Variants in CYP2C19 observed in about 807,000 individuals in gnomAD.
CYP2C19 encodes cytochrome P450 2C19.
CYP2C19 carries 59 observed loss-of-function variants against 40.9 expected under a neutral mutation model. The ratio of observed to expected loss-of-function variants is 1.44; its 90% CI spans 1.17 to 1.79. The LOEUF (loss-of-function observed/expected upper bound fraction) is 1.79. CYP2C19 is among the 40% of genes most tolerant of loss of function. The probability of loss-of-function intolerance (pLI) is 0.00; values close to 1 mark genes in which losing one functional copy is unlikely to be tolerated. For missense variants in CYP2C19, 754 were observed against 596.9 expected (o/e 1.26, Z -2.74); for synonymous variants, 253 against 208.7 (o/e 1.21, Z -1.83).
In CYP2C19 at chr10:94,842,924, C is replaced by G. The variant is rs1280222346; in HGVS notation, c.1049C>G (p.Ala350Gly). The change falls in exon 7 of 9, where the codon GCT (alanine) becomes GGT (glycine). Residue 350 changes from alanine (A) to glycine (G), a missense_variant. By Grantham distance (60) the Ala-to-Gly change is moderately conservative (BLOSUM62 0). Transcript: ENST00000371321. The stretch of plus-strand genomic sequence containing the variant: ...AGGGGCCACATGCCCTACACAGATG[C>G]TGTGGTGCACGAGGTCCAGAGATAC... The part of the protein sequence containing the change: ...QDRGHMPYTD[A>G]VVHEVQRYID... 1 of 1,614,222 alleles carries G rather than the reference C, an allele frequency of 6.2e-7. No individual in the cohort carries two copies. Among genetic ancestry groups the G allele is most frequent in the African/African-American group, 1.3e-5 (1 of 75,068 alleles).
intron 8 of CYP2C19, 32 bp from the exon 9 acceptor site, chr10:94,852,701 G>A (rs767485534): frequency 6.2e-7 from 1 of 1,609,442 alleles, no homozygotes; most frequent in Non-Finnish European, 8.5e-7. Context: ...TACACATGAG[G>A]AGTAACTTCT....
intron 1 of CYP2C19, among the ~76,000 whole-genome samples, chr10:94,769,426 C>G (rs996746533): frequency 6.6e-6 from 1 of 152,132 alleles, no homozygotes; most frequent in Admixed American, 6.5e-5. Flanking sequence ...AAGTGGGAGT[C>G]AGAGTGCAGG....
At chr10:94,771,218 C>T (rs1848325637) in intron 1 of CYP2C19, among the ~76,000 whole-genome samples, 1 of 151,930 alleles carries the variant, frequency 6.6e-6, no homozygotes, top group Admixed American at 6.6e-5. Flanking sequence ...AACTGATAGC[C>T]CGGGGTTTTT....
At chr10:94,843,131 T>C in intron 7 of CYP2C19, 107 bp downstream of exon 7, 1 of 1,366,522 alleles carries the variant, frequency 7.3e-7, no homozygotes. Context: ...GCATTACTCC[T>C]ATGTATGGCA....
intron 7 of CYP2C19, among the ~76,000 whole-genome samples, chr10:94,845,097 T>C (rs1264134318): frequency 6.6e-5 from 10 of 152,146 alleles, no homozygotes; most frequent in Admixed American, 6.6e-4. Flanking sequence ...TTCTACCCTC[T>C]TTACAAATCA....
chr10:94,826,447 T>C (rs545367758), intron 6 of CYP2C19, among the ~76,000 whole-genome samples: 3 of 152,336 alleles, frequency 2.0e-5, no homozygotes, highest in East Asian at 1.9e-4. Flanking sequence ...ACTCATGATT[T>C]GGCACTCTGT....
At position 94,802,780 on chromosome 10, in the gene CYP2C19, T is replaced by C. The variant is rs531557295; in HGVS notation, c.820-17716T>C. On this transcript the variant is annotated intron_variant, in intron 5 of 8. Transcript: ENST00000371321. ...ATGGATTCTTGTAAGGCAGGCCTGG[T>C]GGTGACAAAATCTTTCAGTATTTGC... 2.0e-5 allele frequency among the ~76,000 whole-genome samples: 3 copies of C among 152,268 alleles called. No homozygotes were observed. The East Asian group carries it at 5.8e-4, about 29-fold the overall frequency.
intron 6 of CYP2C19, among the ~76,000 whole-genome samples, chr10:94,831,537 C>T (rs1464809850): frequency 6.6e-6 from 1 of 152,206 alleles, no homozygotes; most frequent in East Asian, 1.9e-4. Context: ...CAAGGGTCCA[C>T]TTATCTCCAC....
chr10:94,772,682 C>A (rs777702712), intron 1 of CYP2C19, among the ~76,000 whole-genome samples: 2 of 152,204 alleles, frequency 1.3e-5, no homozygotes, highest in Non-Finnish European at 1.5e-5. Context: ...TGGTTCCAGG[C>A]AAACCAACGC....
chr10:94,764,342 G>A (rs1848213172), intron 1 of CYP2C19, among the ~76,000 whole-genome samples: 1 of 152,108 alleles, frequency 6.6e-6, no homozygotes, highest in Non-Finnish European at 1.5e-5. Context: ...TGATTGGTGT[G>A]TTTACAAACC....
At chr10:94,780,170 A>G (rs1045774159) in intron 3 of CYP2C19, among the ~76,000 whole-genome samples, 5 of 152,154 alleles carry the variant, frequency 3.3e-5, no homozygotes, top group African/African-American at 1.2e-4. Flanking sequence ...CAGACTTTGC[A>G]GACTGATGTG....
At chr10:94,798,213 A>G (rs1848715104) in intron 5 of CYP2C19, among the ~76,000 whole-genome samples, 1 of 152,160 alleles carries the variant, frequency 6.6e-6, no homozygotes. Context: ...TTGGTTTCAA[A>G]GAACATCTTT....
At chr10:94,792,307 T>C (rs1018903029) in intron 5 of CYP2C19, among the ~76,000 whole-genome samples, 1 of 152,164 alleles carries the variant, frequency 6.6e-6, no homozygotes, top group Non-Finnish European at 1.5e-5. Flanking sequence ...GTCTTGACTC[T>C]ATCCTATTTT....
chr10:94,825,599 T>G (rs1467411723), intron 6 of CYP2C19, among the ~76,000 whole-genome samples: 62 of 111,848 alleles, frequency 5.5e-4, no homozygotes, highest in Admixed American at 1.2e-3. Flanking sequence ...TTCTCCCATT[T>G]TGTAGGTTGC....
intron 6 of CYP2C19, among the ~76,000 whole-genome samples, chr10:94,822,254 A>G (rs1026053139): frequency 1.3e-5 from 2 of 152,078 alleles, no homozygotes; most frequent in African/African-American, 4.8e-5. Context: ...ATTCCACATG[A>G]CTGGAAAGGC....
rs113635914 is a variant in CYP2C19, at chr10:94,798,418, A to G, written c.819+16421A>G. Among the ~76,000 whole-genome samples the G allele has an allele frequency of 3.6e-3, 544 of 152,108 alleles. 2 individuals carry two copies. Among genetic ancestry groups the G allele is most frequent in the African/African-American group, 0.013 (519 of 41,506 alleles). ...GGAGTGCTTTACTTCCAATTATGTG[A>G]TCAATTTTAGAATAAGCACGATGTG... On this transcript the variant is annotated intron_variant, in intron 5 of 8. Coordinates refer to ENST00000371321, the MANE Select transcript of CYP2C19 (RefSeq NM_000769.4).
At chr10:94,838,523 G>T (rs943952887) in intron 6 of CYP2C19, among the ~76,000 whole-genome samples, 4 of 152,142 alleles carry the variant, frequency 2.6e-5, no homozygotes, top group Non-Finnish European at 4.4e-5. Flanking sequence ...AGAGAAAAAG[G>T]TACATGCACT....
At chr10:94,812,132 G>A (rs540435005) in intron 5 of CYP2C19, among the ~76,000 whole-genome samples, 2 of 152,264 alleles carry the variant, frequency 1.3e-5, no homozygotes, top group East Asian at 3.9e-4. Context: ...CTTTGCCTAT[G>A]AAGCTTAATT....
intron 8 of CYP2C19, among the ~76,000 whole-genome samples, chr10:94,852,231 G>A (rs1158448721): frequency 6.8e-6 from 1 of 146,990 alleles, no homozygotes; most frequent in Non-Finnish European, 1.5e-5. Context: ...GCCATTTAAA[G>A]TTTTAAAGTG....
Sources: allele counts gnomAD v4.1 joint callset (sites outside exome capture counted in the v4.1 genomes callset), GRCh38; gene constraint gnomAD v4.1.1; transcripts MANE v1.5; gene names NCBI Gene and HGNC (gene_info 2026-07-23, HGNC 2026-07-21).